The following PSEN1 variants were observed in gnomAD, a reference collection of about 807,000 sequenced individuals.
The protein encoded by PSEN1 is presenilin-1.
PSEN1 carries 15 observed loss-of-function variants against 53.5 expected under a neutral mutation model. The observed-to-expected ratio is 0.28, with a 90% CI of 0.19 to 0.43. The LOEUF is 0.43. Among genes scored for constraint, PSEN1 ranks in the 20% least tolerant of loss-of-function variants. The probability of loss-of-function intolerance (pLI) is 1.00; values close to 1 mark genes in which losing one functional copy is unlikely to be tolerated. For missense variants in PSEN1, 387 were observed against 571.2 expected, an observed-to-expected ratio of 0.68 and a Z score of 3.29; for synonymous variants, 208 against 209.8, an observed-to-expected ratio of 0.99 and a Z score of 0.08.
chr14:73,200,683 G>GT (rs1899143279), intron 8 of PSEN1, among the ~76,000 whole-genome samples: 1 of 152,122 alleles, frequency 6.6e-6, no homozygotes, highest in African/African-American at 2.4e-5. Flanking sequence ...ACTTACCCCT[G>GT]TTGTCAGTTT....
At chr14:73,141,850 G>A (rs781675066) in intron 1 of PSEN1, among the ~76,000 whole-genome samples, 4 of 151,968 alleles carry the variant, frequency 2.6e-5, no homozygotes, top group African/African-American at 7.3e-5. Flanking sequence ...GGCAGATCAC[G>A]AGGTCAGGAG....
At chr14:73,155,165 A>G (rs1897319905) in intron 3 of PSEN1, among the ~76,000 whole-genome samples, 1 of 152,196 alleles carries the variant, frequency 6.6e-6, no homozygotes, top group Non-Finnish European at 1.5e-5. Flanking sequence ...CTTTATCATT[A>G]ATTGCTTATG....
chr14:73,159,179 AT>A (rs35615325), intron 3 of PSEN1, among the ~76,000 whole-genome samples: 22,518 of 142,592 alleles, frequency 0.16, 1,776 homozygotes, highest in South Asian at 0.25. Context: ...TGAAGGGCAG[AT>A]TTTTTTTTTT....
At chr14:73,179,483 G>T (rs907681909) in intron 5 of PSEN1, among the ~76,000 whole-genome samples, 1 of 152,180 alleles carries the variant, frequency 6.6e-6, no homozygotes, top group Non-Finnish European at 1.5e-5. Flanking sequence ...CAGGCATGGT[G>T]GTGGGCACCT....
chr14:73,146,816 G>A (rs1028392255), intron 1 of PSEN1, among the ~76,000 whole-genome samples: 1 of 152,170 alleles, frequency 6.6e-6, no homozygotes, highest in African/African-American at 2.4e-5. Context: ...GTATTAATTA[G>A]CGTTAGGTAT....
intron 6 of PSEN1, among the ~76,000 whole-genome samples, chr14:73,189,025 A>G (rs539627812): frequency 1.8e-4 from 28 of 152,162 alleles, no homozygotes; most frequent in Non-Finnish European, 2.9e-5. Context: ...TCTTGACCTC[A>G]GGTGATCCAC....
At chr14:73,174,741 C>T (rs894087630) in intron 5 of PSEN1, among the ~76,000 whole-genome samples, 1 of 152,136 alleles carries the variant, frequency 6.6e-6, no homozygotes, top group African/African-American at 2.4e-5. Flanking sequence ...CTGGTCACAC[C>T]TTGCCTAAAC....
Position 73,211,836 on chromosome 14 carries a change from A to AGCCC in PSEN1, c.1024_1027dup (p.Gln343ArgfsTer15). 6.2e-7 allele frequency: 1 copy of AGCCC among 1,614,116 alleles called. No individual in the cohort carries two copies. The highest frequency in any genetic ancestry group is 8.5e-7 in the Non-Finnish European group (1 of 1,179,992). On this transcript the variant is annotated frameshift_variant, in exon 10 of 12. Transcript: ENST00000324501. LOFTEE classifies it high-confidence loss of function. ...ATGGCGGGTTCAGTGAGGAATGGGA[A>AGCCC]GCCCAGAGGGACAGTCATCTAGGGC...
At chr14:73,138,144 A>G (rs1304838512) in intron 1 of PSEN1, 2 of 151,468 alleles carry the variant, frequency 1.3e-5, no homozygotes, top group African/African-American at 4.8e-5. Flanking sequence ...AGACTGGGAG[A>G]ACCACAAGGT....
intron 8 of PSEN1, among the ~76,000 whole-genome samples, chr14:73,204,339 C>T (rs374005824): frequency 7.4e-5 from 11 of 149,074 alleles, no homozygotes; most frequent in African/African-American, 2.7e-4. Flanking sequence ...GCTTATTTTC[C>T]TGTTGATGTA....
intron 6 of PSEN1, among the ~76,000 whole-genome samples, chr14:73,192,381 C>T (rs1437013639): frequency 6.6e-6 from 1 of 152,026 alleles, no homozygotes; most frequent in Non-Finnish European, 1.5e-5. Flanking sequence ...GTAAAGACTG[C>T]AGTGAGCCGT....
chr14:73,209,058 G>C (rs1421355150), intron 9 of PSEN1: 2 of 319,024 alleles, frequency 6.3e-6, no homozygotes, highest in African/African-American at 4.4e-5. Flanking sequence ...ACAGCACCCA[G>C]CCTCAGCCAC....
chr14:73,174,260 G>C (rs1897980835), intron 5 of PSEN1: 1 of 162,268 alleles, frequency 6.2e-6, no homozygotes, highest in African/African-American at 2.4e-5. Context: ...GCAGGGCCTT[G>C]CCCTGTCACC....
chr14:73,198,214 G>A, intron 8 of PSEN1, 85 bp downstream of exon 8: 2 of 820,612 alleles, frequency 2.4e-6, no homozygotes, highest in South Asian at 1.4e-5. Flanking sequence ...TCATTTTCAT[G>A]GTACTTGTTC....
intron 9 of PSEN1, 122 bp from the exon 10 acceptor site, chr14:73,211,647 A>G (rs992260972): frequency 1.2e-5 from 12 of 1,006,502 alleles, no homozygotes; most frequent in African/African-American, 1.6e-5. Flanking sequence ...GCTACAGCCC[A>G]TGCTTTGTGG....
At chr14:73,152,623 A>C (rs925497954) in intron 3 of PSEN1, among the ~76,000 whole-genome samples, 2 of 151,870 alleles carry the variant, frequency 1.3e-5, no homozygotes, top group Non-Finnish European at 2.9e-5. Context: ...GAAAAAAAAA[A>C]CCCACAAAAG....
In PSEN1 at chr14:73,147,799, A is replaced by C; in HGVS notation, c.-131A>C. On this transcript the variant is annotated 5_prime_UTR_variant, in exon 2 of 12. Transcript: ENST00000324501. ...CCTGGTGAAATCCTATTTCAGACCTAATCTGGGAGCCTGCAAGTGACAACA... is the reference window on the plus strand; with the variant it reads ...CCTGGTGAAATCCTATTTCAGACCTCATCTGGGAGCCTGCAAGTGACAACA... The C allele has an allele frequency of 1.8e-6, 1 of 561,254 alleles. No individual in the cohort carries two copies. The highest frequency in any genetic ancestry group is 3.2e-6 in the Non-Finnish European group (1 of 313,232). The allele number at this position is 561,254 out of a possible 1,614,324, so 34.8% of individuals were successfully genotyped here.
chr14:73,213,271 G>A (rs1899775230), intron 10 of PSEN1, among the ~76,000 whole-genome samples: 1 of 152,028 alleles, frequency 6.6e-6, no homozygotes, highest in Non-Finnish European at 1.5e-5. Flanking sequence ...TTTCTCACAG[G>A]CACCAGGAGC....
chr14:73,207,500 G>A (rs1899499738), intron 9 of PSEN1, among the ~76,000 whole-genome samples: 1 of 152,196 alleles, frequency 6.6e-6, no homozygotes, highest in African/African-American at 2.4e-5. Context: ...ATAAAGCCAG[G>A]AAATCTACAG....
Sources: allele counts gnomAD v4.1 joint callset (sites outside exome capture counted in the v4.1 genomes callset), GRCh38; gene constraint gnomAD v4.1.1; transcripts MANE v1.5; gene names NCBI Gene and HGNC (gene_info 2026-07-23, HGNC 2026-07-21).